Variants in TENM4 observed in about 807,000 individuals in gnomAD.
TENM4 encodes the protein teneurin-4.
A neutral mutation model predicts 243.3 loss-of-function variants in TENM4; 82 were observed. The observed-to-expected ratio is 0.34, with a 90% CI of 0.28 to 0.40. TENM4 has a LOEUF of 0.40. Ranked by LOEUF, TENM4 falls within the 10% of genes least tolerant of loss-of-function variation. The pLI, the probability that TENM4 is intolerant of heterozygous loss-of-function variation, is 1.00. For missense variants in TENM4, 3,138 were observed against 3,673.3 expected, an observed-to-expected ratio of 0.85 and a Z score of 3.77; for synonymous variants, 1,412 against 1,456.3, an observed-to-expected ratio of 0.97 and a Z score of 0.69.
Position 78,963,617 on chromosome 11 carries a change from G to C in TENM4, c.494-60094C>G, listed in dbSNP as rs540326540. Among the ~76,000 whole-genome samples the C allele has an allele frequency of 1.1e-3, 173 of 152,232 alleles. 3 individuals carry two copies. The Middle Eastern group carries it at 0.024, about 21-fold the overall frequency. Reference sequence around the variant, plus strand: ...GGCTCTAAGGGGGAGGTGGCACAGAGAGCGGCTGATTATTTGCAGGGTAGG... The same window carrying C: ...GGCTCTAAGGGGGAGGTGGCACAGACAGCGGCTGATTATTTGCAGGGTAGG... On this transcript the variant is annotated intron_variant, in intron 6 of 33. Coordinates refer to ENST00000278550, the MANE Select transcript of TENM4 (RefSeq NM_001098816.3).
At chr11:78,767,855 A>G (rs987051302) in intron 18 of TENM4, among the ~76,000 whole-genome samples, 4 of 152,170 alleles carry the variant, frequency 2.6e-5, no homozygotes, top group African/African-American at 7.2e-5. Context: ...CTGGATGACA[A>G]TTTCTTACAA....
At chr11:79,026,720 T>G (rs1359209235) in intron 6 of TENM4, among the ~76,000 whole-genome samples, 2 of 152,198 alleles carry the variant, frequency 1.3e-5, no homozygotes, top group Non-Finnish European at 2.9e-5. Flanking sequence ...ATTCAATCAC[T>G]CCTTGTTAGG....
intron 6 of TENM4, among the ~76,000 whole-genome samples, chr11:78,970,271 T>C (rs2136571191): frequency 6.6e-6 from 1 of 152,302 alleles, no homozygotes; most frequent in Admixed American, 6.5e-5. Flanking sequence ...GTTCTGGTCT[T>C]ACTCAGAGTC....
intron 1 of TENM4, among the ~76,000 whole-genome samples, chr11:79,366,053 G>C (rs935372209): frequency 2.0e-5 from 3 of 152,212 alleles, no homozygotes; most frequent in Non-Finnish European, 1.5e-5. Context: ...TGGCTATCAT[G>C]CTAGATCCTT....
chr11:78,812,271 CCTTT>C lies in TENM4; in HGVS notation c.1825_1828del (p.Lys609AlafsTer65). On this transcript the variant is annotated frameshift_variant, in exon 14 of 34. Coordinates refer to ENST00000278550, the MANE Select transcript of TENM4 (RefSeq NM_001098816.3). LOFTEE classifies it high-confidence loss of function. ...CCAGCCACTGTGGCACAAGCATCTGCCTTTCATGTATTGGCCATTTCCGCTACAG... is the reference window on the plus strand; with the variant it reads ...CCAGCCACTGTGGCACAAGCATCTGCCATGTATTGGCCATTTCCGCTACAG... 6.4e-7 allele frequency: 1 copy of C among 1,552,000 alleles called. No homozygotes were observed. The highest frequency in any genetic ancestry group is 2.0e-5 in the Admixed American group (1 of 51,016).
intron 23 of TENM4, 91 bp from the exon 24 acceptor site, chr11:78,723,008 C>A: frequency 6.5e-7 from 1 of 1,529,352 alleles, no homozygotes. Context: ...TTTTGCAAGG[C>A]ATGCAAGATC....
intron 1 of TENM4, among the ~76,000 whole-genome samples, chr11:79,391,522 G>T (rs1337631237): frequency 6.6e-6 from 1 of 152,134 alleles, no homozygotes; most frequent in Non-Finnish European, 1.5e-5. Flanking sequence ...TAGTAAAGTA[G>T]CAAATATTAA....
chr11:79,196,501 G>GTT (rs1863630080), intron 3 of TENM4, among the ~76,000 whole-genome samples: 1 of 152,140 alleles, frequency 6.6e-6, no homozygotes. Flanking sequence ...TGAAACTGGG[G>GTT]TCCTAACCCG....
chr11:78,863,083 C>G lies in TENM4; in HGVS notation c.1134G>C (p.Gln378His), dbSNP rs111280970. Reference sequence around the variant, plus strand: ...CTGTGTCCTCCGTGATCTCATACATCTGCCCCTCCATCGGCTGCAGGTGCC... The same window carrying G: ...CTGTGTCCTCCGTGATCTCATACATGTGCCCCTCCATCGGCTGCAGGTGCC... ...LNWHLQPMEG[Q>H]MYEITEDTAS... Residue 378 changes from glutamine to histidine, a missense_variant, in exon 10 of 34, where the codon CAG (glutamine) becomes CAC (histidine). Coordinates refer to ENST00000278550, the MANE Select transcript of TENM4 (RefSeq NM_001098816.3). The G allele has an allele frequency of 1.5e-3, 2,272 of 1,533,090 alleles. 26 individuals carry two copies. The African/African-American group carries it at 0.028, about 19-fold the overall frequency. The allele number at this position is 1,533,090 out of a possible 1,614,324, so 95.0% of individuals were successfully genotyped here. A position where few individuals can be genotyped will look rare whatever the true frequency, so the allele number is the denominator to read the frequency against.
At chr11:79,407,297 G>A (rs1590944123) in intron 1 of TENM4, among the ~76,000 whole-genome samples, 1 of 152,206 alleles carries the variant, frequency 6.6e-6, no homozygotes, top group African/African-American at 2.4e-5. Context: ...ACTGATGCTG[G>A]ACGTCTTAAT....
rs1856380893 is a variant in TENM4, at chr11:79,292,909, A to G, written c.-265+4579T>C. On this transcript the variant is annotated intron_variant, in intron 2 of 33. Transcript: ENST00000278550. The stretch of plus-strand genomic sequence containing the variant: ...GCAAATAGCCATGTAGCCATTTTCA[A>G]TATTGTTAGTCATTCACTTATCAAT... Among the ~76,000 whole-genome samples the G allele has an allele frequency of 3.3e-5, 5 of 152,340 alleles. No individual in the cohort carries two copies. In the Middle Eastern group the frequency reaches 0.014, roughly 415 times the overall value.
At chr11:78,894,667 G>A (rs1482615741) in intron 7 of TENM4, among the ~76,000 whole-genome samples, 1 of 152,126 alleles carries the variant, frequency 6.6e-6, no homozygotes, top group African/African-American at 2.4e-5. Flanking sequence ...AGATCTCTCT[G>A]GAATTTGGAG....
At chr11:79,396,828 G>T (rs1022462470) in intron 1 of TENM4, among the ~76,000 whole-genome samples, 3 of 152,210 alleles carry the variant, frequency 2.0e-5, no homozygotes, top group Non-Finnish European at 4.4e-5. Flanking sequence ...AAATAGAGTG[G>T]CTTGAATAGC....
intron 16 of TENM4, among the ~76,000 whole-genome samples, chr11:78,785,718 C>T (rs142824849): frequency 1.3e-5 from 2 of 152,104 alleles, no homozygotes; most frequent in African/African-American, 4.8e-5. Flanking sequence ...TGGCCAAAAC[C>T]CAGGGATGTT....
chr11:79,420,364 T>A (rs1476399778), intron 1 of TENM4, among the ~76,000 whole-genome samples: 1 of 152,150 alleles, frequency 6.6e-6, no homozygotes, highest in East Asian at 1.9e-4. Context: ...TGCAGGACTC[T>A]CCAAGCTTCC....
chr11:79,095,592 C>A (rs937212734), intron 4 of TENM4, among the ~76,000 whole-genome samples: 1 of 151,956 alleles, frequency 6.6e-6, no homozygotes, highest in Non-Finnish European at 1.5e-5. Flanking sequence ...CCCAGGGACC[C>A]GGTGACCTCC....
In TENM4 at chr11:79,285,355, A is replaced by G. The variant is rs191464291; in HGVS notation, c.-265+12133T>C. 7.2e-5 allele frequency among the ~76,000 whole-genome samples: 11 copies of G among 152,346 alleles called. No individual in the cohort carries two copies. The East Asian group carries it at 2.1e-3, about 29-fold the overall frequency. ...ACCCACAAGGAAATAAAAAAGACAT[A>G]AAAAGTATTGAAAAGGATGTAAAAA... On this transcript the variant is annotated intron_variant, in intron 2 of 33. Coordinates refer to ENST00000278550, the MANE Select transcript of TENM4 (RefSeq NM_001098816.3).
intron 4 of TENM4, among the ~76,000 whole-genome samples, chr11:79,113,261 A>AGGGGGAG (rs151235524): frequency 0.27 from 41,624 of 151,680 alleles, 7,690 homozygotes; most frequent in African/African-American, 0.54. Context: ...CAAGAGAGGG[A>AGGGGGAG]AGGGGAAGGC....
intron 6 of TENM4, among the ~76,000 whole-genome samples, chr11:79,052,368 G>C (rs933210578): frequency 6.6e-6 from 1 of 152,200 alleles, no homozygotes; most frequent in Non-Finnish European, 1.5e-5. Flanking sequence ...TTTCTCTGAT[G>C]ATCAGTGATG....
Sources: gnomAD v4.1 joint callset for allele counts (sites outside exome capture counted in the v4.1 genomes callset) on GRCh38, gnomAD v4.1.1 for gene constraint, MANE v1.5 for transcripts, NCBI Gene and HGNC (gene_info 2026-07-23, HGNC 2026-07-21) for gene names.